The following EXTL2 variants were observed in gnomAD, a reference collection of about 807,000 sequenced individuals.
The protein encoded by EXTL2 is exostosin like glycosyltransferase 2.
Under a neutral mutation model 30.7 loss-of-function variants are expected in EXTL2, and 23 were observed. The observed-to-expected ratio is 0.75, with a 90% CI of 0.54 to 1.06. EXTL2 has a LOEUF of 1.06. Ranked by LOEUF, EXTL2 falls within the 50% of genes least tolerant of loss-of-function variation. The pLI is 0.00. For synonymous variants in EXTL2, 123 were observed against 133.8 expected (o/e 0.92, Z 0.56); for missense variants, 352 against 396.3 (o/e 0.89, Z 0.95).
chr1:100,878,004 G>A, intron 2 of EXTL2, 101 bp from the exon 3 acceptor site: 1 of 933,638 alleles, frequency 1.1e-6, no homozygotes, highest in Non-Finnish European at 1.6e-6. Flanking sequence ...TCTTATTTTA[G>A]TTGATTCAAA....
chr1:100,876,915 A>G, intron 3 of EXTL2, 51 bp from the exon 4 acceptor site: 1 of 1,234,660 alleles, frequency 8.1e-7, no homozygotes, highest in Non-Finnish European at 1.2e-6. Context: ...AATGAAAACA[A>G]AAGTAGTAAA....
At chr1:100,874,570 T>C (rs1189358845) in intron 4 of EXTL2, 140 bp from the exon 5 acceptor site, 2 of 725,354 alleles carry the variant, frequency 2.8e-6, no homozygotes, top group Non-Finnish European at 4.6e-6. Flanking sequence ...TTCAGTTTTA[T>C]CTAGCTCCAG....
chr1:100,892,591 C>T (rs1265345598), intron 1 of EXTL2, among the ~76,000 whole-genome samples: 2 of 152,146 alleles, frequency 1.3e-5, no homozygotes, highest in Admixed American at 6.5e-5. Flanking sequence ...TTAATAAACT[C>T]ATTTTCATAT....
chr1:100,892,041 A>T (rs941933349), intron 1 of EXTL2, among the ~76,000 whole-genome samples: 2 of 152,236 alleles, frequency 1.3e-5, no homozygotes, highest in Non-Finnish European at 2.9e-5. Context: ...TATGATTTCA[A>T]GAAATGTGTA....
rs1345881763 is a variant in EXTL2, at chr1:100,877,144, C to T, written c.434-280G>A. Among the ~76,000 whole-genome samples the T allele has an allele frequency of 6.6e-6, 1 of 151,872 alleles. No individual in the cohort carries two copies. Among genetic ancestry groups the T allele is most frequent in the African/African-American group, 2.4e-5 (1 of 41,328 alleles). On this transcript the variant is annotated intron_variant, in intron 3 of 4. Transcript: ENST00000370114. This position sits in a 1 kb window ranked among gnomAD's most constrained non-coding sequence, Gnocchi z 4.1. ...TGAATAAAGCCAAGATTCTTTTAAG[C>T]AAATTGCAACCTCATGAAACTGTCA...
At position 100,892,845 on chromosome 1, in the gene EXTL2, TC is replaced by T. The variant is rs151032467; in HGVS notation, c.-72+1787del. 7.0e-3 allele frequency among the ~76,000 whole-genome samples: 1,066 copies of T among 152,308 alleles called. 20 individuals are homozygous for T. Among genetic ancestry groups the T allele is most frequent in the African/African-American group, 0.025 (1,019 of 41,564 alleles). On this transcript the variant is annotated intron_variant, in intron 1 of 4. Coordinates refer to ENST00000370114, the MANE Select transcript of EXTL2 (RefSeq NM_001033025.3). ...TACAACTCCTTTTTTAACCAGCAGT[TC>T]CCAGGGCGCTCAATTTGAAGCATCT...
rs1648872265 is a variant in EXTL2 at position 100,873,745 on chromosome 1, A to G, written c.*197T>C. 1.9e-6 allele frequency: 1 copy of G among 513,034 alleles called. No individual in the cohort carries two copies. Among genetic ancestry groups the G allele is most frequent in the Non-Finnish European group, 3.4e-6 (1 of 295,582 alleles). 31.8% of individuals were successfully genotyped at this position (513,034 alleles called of 1,614,324 possible). A position where few individuals can be genotyped will look rare whatever the true frequency, so the allele number is the denominator to read the frequency against. ...CTGGATGAAAACTCTTCATAAGAAG[A>G]CCTAACTGGATAAGACCAACTTCTT... On this transcript the variant is annotated 3_prime_UTR_variant, in exon 5 of 5. Coordinates refer to ENST00000370114, the MANE Select transcript of EXTL2 (RefSeq NM_001033025.3).
intron 2 of EXTL2, among the ~76,000 whole-genome samples, chr1:100,878,138 C>T (rs772499444): frequency 6.6e-6 from 1 of 152,184 alleles, no homozygotes; most frequent in African/African-American, 2.4e-5. Context: ...GTTATACACA[C>T]AAAATTGGAA....
chr1:100,877,687 G>T lies in EXTL2; in HGVS notation c.222C>A (p.Asn74Lys). 6.2e-7 allele frequency: 1 copy of T among 1,613,514 alleles called. No homozygotes were observed. Among genetic ancestry groups the T allele is most frequent in the Non-Finnish European group, 8.5e-7 (1 of 1,179,626 alleles). The change falls in exon 3 of 5, where the codon AAC (asparagine) becomes AAA (lysine). Residue 74 changes from asparagine to lysine, a missense_variant. By Grantham distance (94) the Asn-to-Lys change is moderately conservative (BLOSUM62 0). Coordinates refer to ENST00000370114, the MANE Select transcript of EXTL2 (RefSeq NM_001033025.3). This position sits in a 1 kb window ranked among gnomAD's most constrained non-coding sequence, Gnocchi z 4.1. The part of the protein sequence containing the change: ...DSFTLIMQTY[N>K]RTDLLLKLLN... ...AAAGTTTCAATAAGAGATCTGTTCT[G>T]TTGTACGTCTGCATTATGAGAGTAA...
In EXTL2 at chr1:100,873,666, G is replaced by A; in HGVS notation, c.*276C>T. 3.8e-6 allele frequency: 1 copy of A among 260,240 alleles called. No homozygotes were observed. The highest frequency in any genetic ancestry group is 7.3e-6 in the Non-Finnish European group (1 of 137,758). The allele number at this position is 260,240 out of a possible 1,614,324, so 16.1% of individuals were successfully genotyped here. A position where few individuals can be genotyped will look rare whatever the true frequency, so the allele number is the denominator to read the frequency against. On this transcript the variant is annotated 3_prime_UTR_variant, in exon 5 of 5. Coordinates refer to ENST00000370114, the MANE Select transcript of EXTL2 (RefSeq NM_001033025.3). ...GCAAATGCCAGGAGTCAAAGAAACT[G>A]TAGAACAGTCTCAGGATGTAAACAA...
chr1:100,874,842 T>C (rs1648977611), intron 4 of EXTL2, among the ~76,000 whole-genome samples: 1 of 152,190 alleles, frequency 6.6e-6, no homozygotes, highest in East Asian at 1.9e-4. Context: ...TAGGAGTATA[T>C]AAAATTATGG....
chr1:100,878,855 G>T (rs1649337120), intron 2 of EXTL2, among the ~76,000 whole-genome samples: 2 of 152,136 alleles, frequency 1.3e-5, no homozygotes, highest in East Asian at 3.9e-4. Flanking sequence ...GGGCTTGGGG[G>T]TGTATTGCCT....
chr1:100,883,876 T>C (rs994975615), intron 2 of EXTL2, among the ~76,000 whole-genome samples: 16 of 152,174 alleles, frequency 1.1e-4, no homozygotes, highest in African/African-American at 3.6e-4. Context: ...AATGTGGACA[T>C]AGAATAAGAA....
At chr1:100,879,486 C>T (rs1044645838) in intron 2 of EXTL2, among the ~76,000 whole-genome samples, 2 of 152,056 alleles carry the variant, frequency 1.3e-5, no homozygotes, top group African/African-American at 4.8e-5. Context: ...ATATTTAAAA[C>T]ACCTTTAGGA....
chr1:100,872,908 C>T lies in EXTL2; in HGVS notation c.*1034G>A, dbSNP rs1266832826. The T allele has an allele frequency of 1.3e-5, 2 of 152,020 alleles. No homozygotes were observed. Among genetic ancestry groups the T allele is most frequent in the African/African-American group, 4.8e-5 (2 of 41,420 alleles). The allele number at this position is 152,020 out of a possible 1,614,324, so 9.4% of individuals were successfully genotyped here. A position where few individuals can be genotyped will look rare whatever the true frequency, so the allele number is the denominator to read the frequency against. On this transcript the variant is annotated 3_prime_UTR_variant, in exon 5 of 5. Transcript: ENST00000370114. Reference sequence around the variant, plus strand: ...TGTTATGACTGGGTTCTTATTTTCTCCTCCTTGTATGTAGTTGAAATTTCA... The same window carrying T: ...TGTTATGACTGGGTTCTTATTTTCTTCTCCTTGTATGTAGTTGAAATTTCA...
Position 100,877,566 on chromosome 1 carries a change from C to A in EXTL2, c.343G>T (p.Gly115Trp). Residue 115 changes from glycine (G) to tryptophan (W), a missense_variant, in exon 3 of 5, where the codon GGG becomes TGG. Transcript: ENST00000370114. The surrounding 1 kb of genome is among the most constrained non-coding windows in gnomAD (Gnocchi z 4.1). Reference protein sequence around the residue: ...KAPDELWNSLGPHPIPVIFKQ... With the variant: ...KAPDELWNSLWPHPIPVIFKQ... ...AAGATCACAGGGATAGGGTGGGGCC[C>A]TAGAGAATTCCATAATTCATCTGGT... 6.2e-7 allele frequency: 1 copy of A among 1,613,444 alleles called. No individual in the cohort carries two copies. Among genetic ancestry groups the A allele is most frequent in the Non-Finnish European group, 8.5e-7 (1 of 1,179,608 alleles).
In EXTL2 at chr1:100,877,801, C is replaced by G. The variant is rs1334088594; in HGVS notation, c.108G>C (p.Leu36Phe). Residue 36 changes from leucine to phenylalanine, a missense_variant, in exon 3 of 5, where the codon TTG becomes TTC. Physicochemically the swap from Leu to Phe is conservative, Grantham distance 22. Coordinates refer to ENST00000370114, the MANE Select transcript of EXTL2 (RefSeq NM_001033025.3). The surrounding 1 kb of genome is among the most constrained non-coding windows in gnomAD (Gnocchi z 4.1). ...CTTTAACACTGGGAAGTAAGGCAGT[C>G]AAAGCACCAGCTACCAGTAATAATA... The part of the protein sequence containing the change: ...ILVLLLVAGA[L>F]TALLPSVKED... 4 of 1,609,020 alleles carry G rather than the reference C, an allele frequency of 2.5e-6. No homozygotes were observed. The East Asian group carries it at 8.9e-5, about 36-fold the overall frequency.
At position 100,874,439 on chromosome 1, in the gene EXTL2, AG is replaced by A. The variant is rs1648944727; in HGVS notation, c.505-10del. On this transcript the variant is annotated splice_polypyrimidine_tract_variant and intron_variant, in intron 4 of 4. Transcript: ENST00000370114. The stretch of plus-strand genomic sequence containing the variant: ...ATTTGATCAGGAAATTGCTGAAAAG[AG>A]GGAAAAAGAACAATAAAATGTCACA... 1 of 1,565,328 alleles carries A rather than the reference AG, an allele frequency of 6.4e-7. No individual in the cohort carries two copies.
chr1:100,874,023 A>G lies in EXTL2; in HGVS notation c.912T>C (p.Tyr304=), dbSNP rs769021686. The G allele has an allele frequency of 3.1e-6, 5 of 1,612,954 alleles. No homozygotes were observed. The highest frequency in any genetic ancestry group is 2.2e-5 in the South Asian group (2 of 90,982). ...SYCINKLVNI[Y]DSMPLRYSNI... is the part of the protein sequence containing the mutation. ...TGGAGTATCTTAAGGGCATGCTATC[A>G]TAGATATTAACAAGCTTATTTATAC... The change falls in exon 5 of 5, where the codon TAT becomes TAC. Residue 304 remains tyrosine (Y), a synonymous_variant. Coordinates refer to ENST00000370114, the MANE Select transcript of EXTL2 (RefSeq NM_001033025.3).
Sources: gnomAD v4.1 joint callset for allele counts (sites outside exome capture counted in the v4.1 genomes callset) on GRCh38, gnomAD v4.1.1 for gene constraint, Gnocchi (gnomAD v3.1) non-coding constraint, MANE v1.5 for transcripts, NCBI Gene and HGNC (gene_info 2026-07-23, HGNC 2026-07-21) for gene names.